The following PPFIA2 variants were observed in gnomAD, a reference collection of about 807,000 sequenced individuals.
PPFIA2 encodes the protein liprin-alpha-2.
In PPFIA2, 46 loss-of-function variants were observed where a neutral mutation model predicts 175.5. The observed-to-expected ratio is 0.26, with a 90% CI of 0.21 to 0.34. The LOEUF (loss-of-function observed/expected upper bound fraction) is 0.34. Among genes scored for constraint, PPFIA2 ranks in the 10% least tolerant of loss-of-function variants. PPFIA2 has a pLI of 1.00. For missense variants in PPFIA2, 1,179 were observed against 1,506.1 expected (o/e 0.78, Z 3.60); for synonymous variants, 568 against 511.4 (o/e 1.11, Z -1.49).
intron 22 of PPFIA2, chr12:81,312,116 C>T (rs1031600796): frequency 3.5e-5 from 53 of 1,525,254 alleles, no homozygotes; most frequent in South Asian, 4.8e-5. Context: ...AAAAAGATGG[C>T]GCTGAAAATA....
chr12:81,606,569 A>G (rs1027641937), intron 4 of PPFIA2, among the ~76,000 whole-genome samples: 2 of 152,072 alleles, frequency 1.3e-5, no homozygotes, highest in African/African-American at 2.4e-5. Flanking sequence ...TCTGATGCTT[A>G]GTGATGTTCA....
At chr12:81,537,522 G>C (rs533522143) in intron 4 of PPFIA2, among the ~76,000 whole-genome samples, 10 of 151,836 alleles carry the variant, frequency 6.6e-5, no homozygotes, top group African/African-American at 2.4e-4. Flanking sequence ...GAGTGTACTT[G>C]GATTCCCTCT....
rs866062171 is a variant in PPFIA2 at position 81,405,849 on chromosome 12, C to T, written c.700G>A (p.Glu234Lys). Residue 234 changes from glutamate (E) to lysine (K), a missense_variant, in exon 8 of 33, where the codon GAG becomes AAG. By Grantham distance (56) the Glu-to-Lys change is moderately conservative. Coordinates refer to ENST00000549396, the MANE Select transcript of PPFIA2 (RefSeq NM_003625.5). The part of the protein sequence containing the change: ...VHIQRKMASS[E>K]GSTESEHLEG... Reference sequence around the variant, plus strand: ...AGATGTTCTGACTCTGTGGATCCCTCGCTTGATGCCATTTTTCTTTGTATA... The same window carrying T: ...AGATGTTCTGACTCTGTGGATCCCTTGCTTGATGCCATTTTTCTTTGTATA... 3.8e-6 allele frequency: 6 copies of T among 1,581,088 alleles called. No individual in the cohort carries two copies. The highest frequency in any genetic ancestry group is 1.3e-5 in the African/African-American group (1 of 74,518).
intron 4 of PPFIA2, among the ~76,000 whole-genome samples, chr12:81,526,959 A>G (rs2063800330): frequency 6.6e-6 from 1 of 152,172 alleles, no homozygotes; most frequent in South Asian, 2.1e-4. Flanking sequence ...GGGAGAATTT[A>G]AATTAGCCTT....
Position 81,724,012 on chromosome 12 carries a change from C to T in PPFIA2, c.249+29961G>A, listed in dbSNP as rs573194862. Reference sequence around the variant, plus strand: ...CACTCATTTCAAATAATCAAGCTATCTACAAATATAAGAAAAGTGAAACAG... The same window carrying T: ...CACTCATTTCAAATAATCAAGCTATTTACAAATATAAGAAAAGTGAAACAG... On this transcript the variant is annotated intron_variant, in intron 3 of 32. Transcript: ENST00000549396. Among the ~76,000 whole-genome samples the T allele has an allele frequency of 9.3e-5, 14 of 150,970 alleles. No homozygotes were observed. The South Asian group carries it at 2.7e-3, about 29-fold the overall frequency.
chr12:81,367,339 C>G (rs142595731), intron 13 of PPFIA2, among the ~76,000 whole-genome samples, 169 bp from the exon 14 acceptor site: 1 of 151,562 alleles, frequency 6.6e-6, no homozygotes, highest in South Asian at 2.1e-4. Flanking sequence ...AAATGTGAGA[C>G]CTTCACATTT....
chr12:81,519,333 C>A (rs1267646587), intron 4 of PPFIA2, among the ~76,000 whole-genome samples: 1 of 152,188 alleles, frequency 6.6e-6, no homozygotes, highest in Non-Finnish European at 1.5e-5. Context: ...CTTGAAAATA[C>A]TTAAAGACTA....
At chr12:81,369,756 T>A (rs950995636) in intron 11 of PPFIA2, among the ~76,000 whole-genome samples, 8 of 151,552 alleles carry the variant, frequency 5.3e-5, no homozygotes, top group African/African-American at 1.2e-4. Flanking sequence ...AAATCAGAAC[T>A]AAAGACACTG....
intron 4 of PPFIA2, among the ~76,000 whole-genome samples, chr12:81,630,881 C>CTATATATATATATATATATA (rs67242917): frequency 7.1e-6 from 1 of 140,664 alleles, no homozygotes; most frequent in African/African-American, 2.6e-5. Context: ...TATGGAAAGG[C>CTATATATATATATATATATA]TATATATATA....
At chr12:81,589,485 G>C (rs1435519391) in intron 4 of PPFIA2, among the ~76,000 whole-genome samples, 1 of 151,870 alleles carries the variant, frequency 6.6e-6, no homozygotes, top group Non-Finnish European at 1.5e-5. Flanking sequence ...TACATGAGGG[G>C]GTGTAGTTAA....
chr12:81,565,087 C>A (rs184379119), intron 4 of PPFIA2, among the ~76,000 whole-genome samples: 1 of 152,224 alleles, frequency 6.6e-6, no homozygotes, highest in East Asian at 1.9e-4. Flanking sequence ...CTCTGATGAA[C>A]CTTTTTTGCC....
At chr12:81,520,352 GGGTA>G (rs2062970121) in intron 4 of PPFIA2, among the ~76,000 whole-genome samples, 1 of 152,106 alleles carries the variant, frequency 6.6e-6, no homozygotes, top group Non-Finnish European at 1.5e-5. Context: ...TCTGAATGGT[GGGTA>G]GCAACTTAAA....
chr12:81,344,754 C>T (rs534983447), intron 18 of PPFIA2, 61 bp from the exon 19 acceptor site: 1 of 1,289,438 alleles, frequency 7.8e-7, no homozygotes, highest in Non-Finnish European at 1.1e-6. Flanking sequence ...AATCATTTGA[C>T]CAAGTTACAA....
chr12:81,425,217 A>G lies in PPFIA2; in HGVS notation c.645+14755T>C, dbSNP rs187191388. On this transcript the variant is annotated intron_variant, in intron 7 of 32. Transcript: ENST00000549396. The stretch of plus-strand genomic sequence containing the variant: ...GATCCATCAACTTGAAGGTAGGGAA[A>G]GGTAAGTAAGTGGTTGGAGCTTTCT... Among the ~76,000 whole-genome samples, 9 of 152,360 alleles carry G rather than the reference A, an allele frequency of 5.9e-5. No individual in the cohort carries two copies. In the East Asian group the frequency reaches 1.5e-3, roughly 26 times the overall value.
chr12:81,737,058 C>G (rs1015237555), intron 3 of PPFIA2, among the ~76,000 whole-genome samples: 9 of 151,808 alleles, frequency 5.9e-5, no homozygotes, highest in Non-Finnish European at 1.3e-4. Context: ...ATAAGAACAA[C>G]TAGAAAAATT....
At chr12:81,703,465 T>C (rs906487171) in intron 3 of PPFIA2, among the ~76,000 whole-genome samples, 1 of 152,060 alleles carries the variant, frequency 6.6e-6, no homozygotes. Context: ...ATCCAATGTA[T>C]AGCATCTTCT....
intron 3 of PPFIA2, among the ~76,000 whole-genome samples, chr12:81,685,439 A>G (rs2074294013): frequency 6.6e-6 from 1 of 152,106 alleles, no homozygotes; most frequent in Admixed American, 6.6e-5. Flanking sequence ...AAGGGGAAAT[A>G]TCTCTTTCTT....
At position 81,691,809 on chromosome 12, in the gene PPFIA2, C is replaced by A. The variant is rs565542464; in HGVS notation, c.250-14965G>T. 6.6e-5 allele frequency among the ~76,000 whole-genome samples: 10 copies of A among 151,868 alleles called. 1 individual carries two copies. Among genetic ancestry groups the A allele is most frequent in the African/African-American group, 2.4e-4 (10 of 41,418 alleles). On this transcript the variant is annotated intron_variant, in intron 3 of 32. Transcript: ENST00000549396. The stretch of plus-strand genomic sequence containing the variant: ...GGAAACACCAAGAAACAGTATTTAG[C>A]AAGGAAGAAATTGTCCAAAAGAGAA...
intron 3 of PPFIA2, among the ~76,000 whole-genome samples, chr12:81,722,678 C>T (rs1261808268): frequency 6.6e-6 from 1 of 150,740 alleles, no homozygotes; most frequent in Non-Finnish European, 1.5e-5. Context: ...TTCTGGAATG[C>T]AAATCAGGAC....
Sources: gnomAD v4.1 joint callset for allele counts (sites outside exome capture counted in the v4.1 genomes callset) on GRCh38, gnomAD v4.1.1 for gene constraint, MANE v1.5 for transcripts, NCBI Gene and HGNC (gene_info 2026-07-23, HGNC 2026-07-21) for gene names.